RGS7: variants seen among roughly 807,000 people sequenced by gnomAD.
The protein encoded by RGS7 is regulator of G-protein signaling 7.
Under a neutral mutation model 81.1 loss-of-function variants are expected in RGS7, and 27 were observed. The ratio of observed to expected loss-of-function variants is 0.33; its 90% CI spans 0.25 to 0.46. The LOEUF is 0.46. Among genes scored for constraint, RGS7 ranks in the 20% least tolerant of loss-of-function variants. The pLI is 1.00. For missense variants in RGS7, 396 were observed against 607.4 expected, an observed-to-expected ratio of 0.65 and a Z score of 3.66; for synonymous variants, 208 against 207.7, an observed-to-expected ratio of 1.00 and a Z score of -0.01.
At chr1:241,193,592 A>G (rs1356970424) in intron 2 of RGS7, among the ~76,000 whole-genome samples, 6 of 152,270 alleles carry the variant, frequency 3.9e-5, no homozygotes, top group African/African-American at 1.4e-4. Context: ...AAATACATAT[A>G]GACAAATGGT....
intron 2 of RGS7, among the ~76,000 whole-genome samples, chr1:241,335,688 A>AAC (rs112464128): frequency 0.083 from 12,436 of 150,510 alleles, 862 homozygotes; most frequent in African/African-American, 0.18. Context: ...AAGATTTTAA[A>AAC]ACACACACAC....
chr1:241,270,999 C>T (rs535010541), intron 2 of RGS7, among the ~76,000 whole-genome samples: 7 of 152,188 alleles, frequency 4.6e-5, no homozygotes, highest in African/African-American at 1.7e-4. Context: ...CCTCGTGATC[C>T]GCCCGTCTCA....
chr1:241,269,662 A>G (rs973864436), intron 2 of RGS7, among the ~76,000 whole-genome samples: 7 of 152,186 alleles, frequency 4.6e-5, no homozygotes, highest in Non-Finnish European at 1.0e-4. Flanking sequence ...AAGGGAAGAA[A>G]TCGAAAAAGA....
chr1:240,820,818 T>C (rs769792162), intron 10 of RGS7, among the ~76,000 whole-genome samples: 15 of 152,292 alleles, frequency 9.8e-5, no homozygotes, highest in Non-Finnish European at 2.1e-4. Context: ...CAGTCTAAGA[T>C]ATTTTGTCAC....
intron 3 of RGS7, among the ~76,000 whole-genome samples, chr1:241,062,936 C>T (rs1478506892): frequency 6.6e-6 from 1 of 152,138 alleles, no homozygotes; most frequent in Non-Finnish European, 1.5e-5. Context: ...TTCCCCTTCC[C>T]GCAATATTAT....
At chr1:241,033,243 C>T (rs1213769377) in intron 3 of RGS7, among the ~76,000 whole-genome samples, 3 of 152,036 alleles carry the variant, frequency 2.0e-5, no homozygotes, top group Non-Finnish European at 4.4e-5. Flanking sequence ...CCCACCTACC[C>T]AGGAGGCTGA....
intron 2 of RGS7, among the ~76,000 whole-genome samples, chr1:241,336,320 C>T (rs141442143): frequency 6.6e-6 from 1 of 152,240 alleles, no homozygotes; most frequent in Non-Finnish European, 1.5e-5. Context: ...ATATGACCAC[C>T]TAGATCTTAC....
chr1:241,179,167 T>A (rs1284047371), intron 2 of RGS7, among the ~76,000 whole-genome samples: 1 of 152,216 alleles, frequency 6.6e-6, no homozygotes, highest in East Asian at 1.9e-4. Context: ...CAATATCGAC[T>A]ACCTACAACC....
At chr1:241,279,310 TC>T (rs2078375597) in intron 2 of RGS7, among the ~76,000 whole-genome samples, 1 of 152,154 alleles carries the variant, frequency 6.6e-6, no homozygotes, top group African/African-American at 2.4e-5. Flanking sequence ...AAGAATGGGT[TC>T]CCCTTGATTT....
chr1:240,974,283 C>T (rs906394194), intron 4 of RGS7, among the ~76,000 whole-genome samples: 3 of 152,080 alleles, frequency 2.0e-5, no homozygotes, highest in Admixed American at 6.5e-5. Flanking sequence ...TTATATTTAT[C>T]CTTAATCTTA....
chr1:240,812,172 A>G (rs1689961723), intron 13 of RGS7, 129 bp from the exon 14 acceptor site: 12 of 908,358 alleles, frequency 1.3e-5, no homozygotes, highest in Non-Finnish European at 2.1e-5. Context: ...AAAAATATAT[A>G]TATCCGATTA....
chr1:241,246,604 G>A (rs1190140050), intron 2 of RGS7, among the ~76,000 whole-genome samples: 2 of 152,130 alleles, frequency 1.3e-5, no homozygotes, highest in African/African-American at 2.4e-5. Flanking sequence ...TCTGGATTTC[G>A]ATTGAGTACT....
intron 18 of RGS7, among the ~76,000 whole-genome samples, chr1:240,780,106 A>G (rs1683713223): frequency 6.6e-6 from 1 of 152,194 alleles, no homozygotes; most frequent in Non-Finnish European, 1.5e-5. Context: ...AATTGTATAC[A>G]CATGTGCATA....
intron 5 of RGS7, among the ~76,000 whole-genome samples, chr1:240,932,212 T>C (rs533781719): frequency 6.6e-5 from 10 of 152,258 alleles, no homozygotes; most frequent in African/African-American, 2.4e-4. Flanking sequence ...GATTTCAACT[T>C]ACCCTCCGTT....
At chr1:241,313,674 C>T (rs1169186089) in intron 2 of RGS7, among the ~76,000 whole-genome samples, 1 of 152,180 alleles carries the variant, frequency 6.6e-6, no homozygotes, top group Non-Finnish European at 1.5e-5. Context: ...TATACCTAGA[C>T]AGATGTATAA....
intron 2 of RGS7, among the ~76,000 whole-genome samples, chr1:241,243,023 CT>C (rs2076337883): frequency 6.6e-6 from 1 of 151,940 alleles, no homozygotes; most frequent in Non-Finnish European, 1.5e-5. Flanking sequence ...ATTGCATTTG[CT>C]TTTGTTTTTG....
chr1:241,131,101 T>A (rs1480445729), intron 2 of RGS7, among the ~76,000 whole-genome samples: 1 of 152,158 alleles, frequency 6.6e-6, no homozygotes. Context: ...CATTTTTTTT[T>A]AATGAGTAAA....
intron 2 of RGS7, among the ~76,000 whole-genome samples, chr1:241,240,241 C>A (rs1338876384): frequency 6.6e-6 from 1 of 152,110 alleles, no homozygotes; most frequent in Non-Finnish European, 1.5e-5. Context: ...ACAGGCAAGT[C>A]CCTCGGTGGG....
intron 12 of RGS7, among the ~76,000 whole-genome samples, chr1:240,814,015 G>T (rs1404736293): frequency 6.6e-6 from 1 of 152,158 alleles, no homozygotes; most frequent in East Asian, 1.9e-4. Context: ...TGTGTGAAGG[G>T]CACCGCTAAG....
Sources: gnomAD v4.1 joint callset for allele counts (sites outside exome capture counted in the v4.1 genomes callset) on GRCh38, gnomAD v4.1.1 for gene constraint, MANE v1.5 for transcripts, NCBI Gene and HGNC (gene_info 2026-07-23, HGNC 2026-07-21) for gene names.